The following BRINP1 variants were observed in gnomAD, a reference collection of about 807,000 sequenced individuals.
BRINP1 encodes the protein BMP/retinoic acid inducible neural specific 1, also known as BMP/retinoic acid-inducible neural-specific protein 1.
A neutral mutation model predicts 72.9 loss-of-function variants in BRINP1; 17 were observed. That is an observed-to-expected ratio of 0.23 (90% CI 0.16 to 0.35). The LOEUF is 0.35. Among genes scored for constraint, BRINP1 ranks in the 10% least tolerant of loss-of-function variants. The probability of loss-of-function intolerance (pLI) is 1.00; values close to 1 mark genes in which losing one functional copy is unlikely to be tolerated. For missense variants in BRINP1, 850 were observed against 1,001.6 expected (o/e 0.85, Z 2.04); for synonymous variants, 418 against 378.5 (o/e 1.10, Z -1.21).
intron 2 of BRINP1, 61 bp downstream of exon 2, chr9:119,313,077 C>A: frequency 6.5e-7 from 1 of 1,544,366 alleles, no homozygotes; most frequent in Non-Finnish European, 8.8e-7. Flanking sequence ...CACCAATCAA[C>A]GCCTGACTCC....
At chr9:119,305,913 A>G (rs929239058) in intron 2 of BRINP1, among the ~76,000 whole-genome samples, 4 of 152,196 alleles carry the variant, frequency 2.6e-5, no homozygotes, top group African/African-American at 9.7e-5. Flanking sequence ...CAAATGAGTG[A>G]GTAAGCTGCA....
chr9:119,313,098 A>G (rs1166974727), intron 2 of BRINP1, 40 bp downstream of exon 2: 28 of 1,595,184 alleles, frequency 1.8e-5, no homozygotes, highest in Admixed American at 6.8e-5. Context: ...ACAAAGCATA[A>G]TATGAATGTA....
At chr9:119,324,465 A>G (rs562691468) in intron 1 of BRINP1, among the ~76,000 whole-genome samples, 2 of 152,340 alleles carry the variant, frequency 1.3e-5, no homozygotes, top group South Asian at 4.1e-4. Context: ...ACTATTAGGA[A>G]GAAACTTTTA....
At chr9:119,333,729 C>A (rs759298888) in intron 1 of BRINP1, among the ~76,000 whole-genome samples, 1 of 152,046 alleles carries the variant, frequency 6.6e-6, no homozygotes, top group African/African-American at 2.4e-5. Context: ...GTGCAGTCTA[C>A]CTTAATCCAT....
At chr9:119,364,991 A>G (rs1564259135) in intron 1 of BRINP1, among the ~76,000 whole-genome samples, 1 of 152,370 alleles carries the variant, frequency 6.6e-6, no homozygotes, top group South Asian at 2.1e-4. Flanking sequence ...CAGGAAATGC[A>G]AGGGCAAACA....
At chr9:119,268,285 T>TAGATAGATAGACAGACAGAC (rs371343100) in intron 2 of BRINP1, among the ~76,000 whole-genome samples, 1 of 148,502 alleles carries the variant, frequency 6.7e-6, no homozygotes, top group Non-Finnish European at 1.5e-5. Context: ...GATAGATAGA[T>TAGATAGATAGACAGACAGAC]AGATAGATAG....
chr9:119,226,706 A>G (rs1830096116), intron 5 of BRINP1, among the ~76,000 whole-genome samples: 1 of 152,040 alleles, frequency 6.6e-6, no homozygotes, highest in African/African-American at 2.4e-5. Context: ...TCCATTTCAG[A>G]ATATGAGAAT....
chr9:119,276,733 C>T (rs1038638361), intron 2 of BRINP1, among the ~76,000 whole-genome samples: 5 of 152,148 alleles, frequency 3.3e-5, no homozygotes, highest in Non-Finnish European at 5.9e-5. Context: ...ACGATTTGCC[C>T]ACTTTAAATG....
rs142324650 is a variant in BRINP1 at position 119,341,786 on chromosome 9, C to T, written c.-51+27270G>A. On this transcript the variant is annotated intron_variant, in intron 1 of 7. Coordinates refer to ENST00000265922, the MANE Select transcript of BRINP1 (RefSeq NM_014618.3). ...TGTATTATTATTATTATTATTGAGA[C>T]GGAGTCTCACTCTATCACGTATGTT... Among the ~76,000 whole-genome samples the T allele has an allele frequency of 3.1e-3, 476 of 152,108 alleles. 4 individuals are homozygous for T. Among genetic ancestry groups the T allele is most frequent in the African/African-American group, 8.3e-3 (343 of 41,438 alleles).
At chr9:119,339,064 A>C (rs1415724344) in intron 1 of BRINP1, among the ~76,000 whole-genome samples, 1 of 152,230 alleles carries the variant, frequency 6.6e-6, no homozygotes, top group African/African-American at 2.4e-5. Flanking sequence ...CTCTCTTTTC[A>C]CCTGGACTGC....
At chr9:119,261,054 T>C (rs1830490273) in intron 2 of BRINP1, among the ~76,000 whole-genome samples, 1 of 152,132 alleles carries the variant, frequency 6.6e-6, no homozygotes, top group Non-Finnish European at 1.5e-5. Context: ...AAAATTACAC[T>C]CAATAAAGCA....
intron 1 of BRINP1, among the ~76,000 whole-genome samples, chr9:119,336,822 G>C (rs1458607197): frequency 1.3e-5 from 2 of 151,760 alleles, no homozygotes; most frequent in Admixed American, 6.6e-5. Context: ...GAATGGGAGA[G>C]AGAAGAGAAA....
chr9:119,215,972 T>C (rs1326108144), intron 5 of BRINP1, among the ~76,000 whole-genome samples: 1 of 152,228 alleles, frequency 6.6e-6, no homozygotes, highest in Admixed American at 6.5e-5. Flanking sequence ...AGTATCTATG[T>C]ACAAAGATTA....
At chr9:119,169,509 C>G (rs1829373380) in intron 7 of BRINP1, among the ~76,000 whole-genome samples, 1 of 152,178 alleles carries the variant, frequency 6.6e-6, no homozygotes, top group Non-Finnish European at 1.5e-5. Flanking sequence ...TGATTGCTAG[C>G]GCAGCAGTCT....
chr9:119,253,117 G>GT lies in BRINP1; in HGVS notation c.219-3968dup, dbSNP rs1172474964. Reference sequence around the variant, plus strand: ...CTACCTGCTCAGCACCACGGACAGAGTTTTTTATCCCAAGGAATTGGTCCA... The same window carrying GT: ...CTACCTGCTCAGCACCACGGACAGAGTTTTTTTATCCCAAGGAATTGGTCCA... On this transcript the variant is annotated intron_variant, in intron 2 of 7. Coordinates refer to ENST00000265922, the MANE Select transcript of BRINP1 (RefSeq NM_014618.3). Among the ~76,000 whole-genome samples, 6 of 152,146 alleles carry GT rather than the reference G, an allele frequency of 3.9e-5. No individual in the cohort carries two copies. In the South Asian group the frequency reaches 8.3e-4, roughly 21 times the overall value.
intron 2 of BRINP1, among the ~76,000 whole-genome samples, chr9:119,289,824 T>C (rs935616236): frequency 2.6e-5 from 4 of 152,234 alleles, no homozygotes; most frequent in Non-Finnish European, 4.4e-5. Flanking sequence ...TCACATGGAT[T>C]GATACAATCC....
intron 1 of BRINP1, among the ~76,000 whole-genome samples, chr9:119,325,201 G>T (rs1831227775): frequency 6.6e-6 from 1 of 152,114 alleles, no homozygotes; most frequent in Non-Finnish European, 1.5e-5. Context: ...ATTATAATTT[G>T]TATATTTTAC....
rs368976425 is a variant in BRINP1 at position 119,167,743 on chromosome 9, C to T, written c.1627G>A (p.Gly543Ser). Residue 543 changes from glycine to serine, a missense_variant, in exon 8 of 8, where the codon GGC becomes AGC. Coordinates refer to ENST00000265922, the MANE Select transcript of BRINP1 (RefSeq NM_014618.3). The surrounding 1 kb of genome is among the most constrained non-coding windows in gnomAD (Gnocchi z 4.3). ...ATCTGGCAGATGCGCATGGACATGC[C>T]GATCACCATGTGGATGAAGTCCATG... The part of the protein sequence containing the change: ...NRMDFIHMVI[G>S]MSMRICQMRN... 56 of 1,614,018 alleles carry T rather than the reference C, an allele frequency of 3.5e-5. No homozygotes were observed. The highest frequency in any genetic ancestry group is 1.8e-4 in the Admixed American group (11 of 59,998).
chr9:119,189,537 T>C (rs111765757), intron 7 of BRINP1, among the ~76,000 whole-genome samples: 2 of 152,178 alleles, frequency 1.3e-5, no homozygotes, highest in African/African-American at 4.8e-5. Flanking sequence ...TTAGATAAAA[T>C]AGACTTCAAG....
Sources: gnomAD v4.1 joint callset for allele counts (sites outside exome capture counted in the v4.1 genomes callset) on GRCh38, gnomAD v4.1.1 for gene constraint, Gnocchi (gnomAD v3.1) non-coding constraint, MANE v1.5 for transcripts, NCBI Gene and HGNC (gene_info 2026-07-23, HGNC 2026-07-21) for gene names.